Variants in DPP10 observed in about 807,000 individuals in gnomAD.
DPP10 encodes the protein inactive dipeptidyl peptidase 10.
In DPP10, 33 loss-of-function variants were observed where a neutral mutation model predicts 120.9. The ratio of observed to expected loss-of-function variants is 0.27; its 90% CI spans 0.21 to 0.37. The LOEUF (loss-of-function observed/expected upper bound fraction) is 0.37, where lower values mean the gene tolerates loss of function less well. Among genes scored for constraint, DPP10 ranks in the 10% least tolerant of loss-of-function variants. DPP10 has a pLI of 1.00. For synonymous variants in DPP10, 337 were observed against 326.1 expected, an observed-to-expected ratio of 1.03 and a Z score of -0.36; for missense variants, 816 against 942.8, an observed-to-expected ratio of 0.87 and a Z score of 1.76.
intron 24 of DPP10, among the ~76,000 whole-genome samples, chr2:115,840,327 T>TG (rs1559227902): frequency 9.4e-5 from 11 of 116,428 alleles, no homozygotes; most frequent in African/African-American, 2.7e-4. Flanking sequence ...TGGTTTTTTT[T>TG]TTTTTTTTTT....
At chr2:115,830,989 T>C (rs1434878586) in intron 21 of DPP10, among the ~76,000 whole-genome samples, 1 of 152,158 alleles carries the variant, frequency 6.6e-6, no homozygotes, top group Admixed American at 6.5e-5. Context: ...CAGTATACAT[T>C]ATCTGCAGAA....
intron 1 of DPP10, among the ~76,000 whole-genome samples, chr2:114,844,319 G>A (rs1688380871): frequency 6.6e-6 from 1 of 151,914 alleles, no homozygotes; most frequent in African/African-American, 2.4e-5. Flanking sequence ...CCATGCTCAA[G>A]CTAAGATAAG....
At chr2:115,184,093 A>C (rs767262324) in intron 1 of DPP10, among the ~76,000 whole-genome samples, 1 of 152,176 alleles carries the variant, frequency 6.6e-6, no homozygotes, top group Admixed American at 6.5e-5. Flanking sequence ...TAGGGAACTC[A>C]ACGACTTCTT....
intron 3 of DPP10, among the ~76,000 whole-genome samples, chr2:115,470,520 A>T (rs574241677): frequency 6.6e-6 from 1 of 152,306 alleles, no homozygotes; most frequent in Admixed American, 6.5e-5. Flanking sequence ...GAGGGTTCGA[A>T]GCCCATTATT....
At chr2:114,522,638 G>T (rs902260152) in intron 1 of DPP10, among the ~76,000 whole-genome samples, 1 of 152,158 alleles carries the variant, frequency 6.6e-6, no homozygotes. Flanking sequence ...GGGGAGAAAT[G>T]ATGCCTCTGA....
chr2:115,554,060 C>A (rs185322118), intron 5 of DPP10, among the ~76,000 whole-genome samples: 1 of 149,636 alleles, frequency 6.7e-6, no homozygotes, highest in South Asian at 2.1e-4. Context: ...ACACCTTTCT[C>A]CAGGCCCATA....
chr2:115,275,444 C>T (rs2059873213), intron 1 of DPP10, among the ~76,000 whole-genome samples: 1 of 151,928 alleles, frequency 6.6e-6, no homozygotes. Context: ...ATGCACGTTG[C>T]AAAAATCTTT....
chr2:115,654,789 C>T (rs1231954746), intron 5 of DPP10, among the ~76,000 whole-genome samples: 1 of 151,686 alleles, frequency 6.6e-6, no homozygotes, highest in Non-Finnish European at 1.5e-5. Flanking sequence ...ACCTCTCTGT[C>T]ACCATTAAGA....
chr2:114,910,854 T>C (rs1264167145), intron 1 of DPP10, among the ~76,000 whole-genome samples: 3 of 152,184 alleles, frequency 2.0e-5, no homozygotes, highest in Non-Finnish European at 4.4e-5. Flanking sequence ...TGAGCTTTAT[T>C]TTCTAAAATG....
At chr2:115,551,932 A>G (rs1156273287) in intron 5 of DPP10, among the ~76,000 whole-genome samples, 1 of 152,090 alleles carries the variant, frequency 6.6e-6, no homozygotes, top group Non-Finnish European at 1.5e-5. Context: ...AGCTAATTTC[A>G]TTTGTTCTGT....
At chr2:115,552,705 T>C (rs1363402809) in intron 5 of DPP10, among the ~76,000 whole-genome samples, 2 of 152,070 alleles carry the variant, frequency 1.3e-5, no homozygotes, top group African/African-American at 4.8e-5. Flanking sequence ...TATCAATAAA[T>C]ATTCATCAAT....
intron 1 of DPP10, among the ~76,000 whole-genome samples, chr2:115,138,421 A>C (rs1018343571): frequency 1.3e-5 from 2 of 152,228 alleles, no homozygotes; most frequent in East Asian, 1.9e-4. Flanking sequence ...CATTTTGAAA[A>C]TAAAATTAGG....
At chr2:114,714,059 G>T (rs866657570) in intron 1 of DPP10, among the ~76,000 whole-genome samples, 10 of 139,064 alleles carry the variant, frequency 7.2e-5, no homozygotes, top group Admixed American at 5.4e-4. Flanking sequence ...GTGTTCCTGA[G>T]TGGATTTGTG....
intron 5 of DPP10, among the ~76,000 whole-genome samples, chr2:115,677,100 T>C (rs2090325844): frequency 6.6e-6 from 1 of 152,114 alleles, no homozygotes; most frequent in African/African-American, 2.4e-5. Flanking sequence ...AACTATCCTT[T>C]AGAAATTAAG....
intron 1 of DPP10, among the ~76,000 whole-genome samples, chr2:115,177,342 G>C (rs917565711): frequency 3.9e-5 from 6 of 152,074 alleles, no homozygotes; most frequent in African/African-American, 1.4e-4. Context: ...CTTTGCTCCC[G>C]GTTTTTCAGT....
chr2:115,535,792 G>C (rs911891090), intron 5 of DPP10, among the ~76,000 whole-genome samples: 5 of 151,960 alleles, frequency 3.3e-5, no homozygotes, highest in African/African-American at 1.2e-4. Flanking sequence ...ATTTCCTTGA[G>C]CAGCGATTTG....
chr2:114,743,152 T>A (rs1348860871), intron 1 of DPP10, among the ~76,000 whole-genome samples: 1 of 152,174 alleles, frequency 6.6e-6, no homozygotes, highest in East Asian at 1.9e-4. Flanking sequence ...TGACTGTGAT[T>A]TTTGGAATTC....
intron 21 of DPP10, among the ~76,000 whole-genome samples, chr2:115,830,131 G>A (rs1423684971): frequency 6.6e-6 from 1 of 152,010 alleles, no homozygotes; most frequent in African/African-American, 2.4e-5. Context: ...CAAGGTGGGT[G>A]GATCACCTGA....
rs142348276 is a variant in DPP10, at chr2:115,661,416, G to T, written c.442-28271G>T. Reference sequence around the variant, plus strand: ...AATCATCTGAACTTGATTTGGAATTGATCAGTAAGAAAAAGCAGGCTCCCT... The same window carrying T: ...AATCATCTGAACTTGATTTGGAATTTATCAGTAAGAAAAAGCAGGCTCCCT... On this transcript the variant is annotated intron_variant, in intron 5 of 25. Coordinates refer to ENST00000410059, the MANE Select transcript of DPP10 (RefSeq NM_020868.6). Among the ~76,000 whole-genome samples, 735 of 152,282 alleles carry T rather than the reference G, an allele frequency of 4.8e-3. 25 individuals carry two copies. Among genetic ancestry groups the T allele is most frequent in the Admixed American group, 0.042 (647 of 15,290 alleles).
Sources: gnomAD v4.1 joint callset for allele counts (sites outside exome capture counted in the v4.1 genomes callset) on GRCh38, gnomAD v4.1.1 for gene constraint, MANE v1.5 for transcripts, NCBI Gene and HGNC (gene_info 2026-07-23, HGNC 2026-07-21) for gene names.